The following GGN variants were observed in gnomAD, a reference collection of about 807,000 sequenced individuals.
The protein encoded by GGN is gametogenetin.
In GGN, 27 loss-of-function variants were observed where a neutral mutation model predicts 35.5. The observed-to-expected ratio is 0.76, with a 90% CI of 0.56 to 1.05. The LOEUF is 1.05. Among genes scored for constraint, GGN ranks in the 50% least tolerant of loss-of-function variants. GGN has a pLI of 0.00. For synonymous variants in GGN, 425 were observed against 444.1 expected, an observed-to-expected ratio of 0.96 and a Z score of 0.54; for missense variants, 1,006 against 940.7, an observed-to-expected ratio of 1.07 and a Z score of -0.91.
Position 38,387,298 on chromosome 19 carries a change from C to T in GGN, c.-19-18G>A, listed in dbSNP as rs778040300. 72 of 1,536,508 alleles carry T rather than the reference C, an allele frequency of 4.7e-5. No homozygotes were observed. The highest frequency in any genetic ancestry group is 5.8e-5 in the Non-Finnish European group (67 of 1,145,418). ...CTCGGAGACTAGTCAGAAAAATTTA[C>T]TCCAGTCAGCCTGCCAGGGCCGTGG... is the stretch of plus-strand genomic sequence containing the variant. On this transcript the variant is annotated intron_variant, in intron 2 of 3. Transcript: ENST00000334928. The surrounding 1 kb of genome is among the most constrained non-coding windows in gnomAD (Gnocchi z 5.3).
chr19:38,386,649 C>A lies in GGN; in HGVS notation c.613G>T (p.Gly205Trp). 1 of 1,612,088 alleles carries A rather than the reference C, an allele frequency of 6.2e-7. No individual in the cohort carries two copies. ...PASPPTESQA[G>W]PRNQGQTAGR... ...GCCGTCTGGCCCTGGTTGCGGGGCC[C>A]AGCCTGGCTTTCTGTCGGGGGTGAG... Residue 205 changes from glycine to tryptophan, a missense_variant, in exon 3 of 4, where the codon GGG (glycine) becomes TGG (tryptophan). Coordinates refer to ENST00000334928, the MANE Select transcript of GGN (RefSeq NM_152657.4).
At position 38,386,962 on chromosome 19, in the gene GGN, G is replaced by A; in HGVS notation, c.300C>T (p.Pro100=). The change falls in exon 3 of 4, where the codon CCC becomes CCT. Residue 100 remains proline (P), a synonymous_variant. Coordinates refer to ENST00000334928, the MANE Select transcript of GGN (RefSeq NM_152657.4). ...AAAVSAPPPA[P]AGTLLPGPSK... ...ACGGGCCGGGCAGCAGAGTCCCCGC[G>A]GGGGCCGGGGGTGGTGCAGAGACCG... The A allele has an allele frequency of 6.5e-7, 1 of 1,540,258 alleles. No homozygotes were observed. The highest frequency in any genetic ancestry group is 1.2e-5 in the South Asian group (1 of 80,640).
chr19:38,386,872 A>G lies in GGN; in HGVS notation c.390T>C (p.His130=). 5 of 1,586,200 alleles carry G rather than the reference A, an allele frequency of 3.2e-6. No individual in the cohort carries two copies. The highest frequency in any genetic ancestry group is 4.3e-6 in the Non-Finnish European group (5 of 1,166,858). ...GGCTCGGAGGGTCGCCCTGGCCGCG[A>G]TGGCTCGCCTCCAGCAGGCGGCGGA... The part of the protein sequence containing the change: ...PRIRRLLEAS[H]RGQGDPPSLR... The change falls in exon 3 of 4, where the codon CAT becomes CAC. Residue 130 remains histidine, a synonymous_variant. Transcript: ENST00000334928.
chr19:38,385,659 G>C lies in GGN; in HGVS notation c.1603C>G (p.Arg535Gly). 6.2e-7 allele frequency: 1 copy of C among 1,613,814 alleles called. No individual in the cohort carries two copies. The highest frequency in any genetic ancestry group is 1.1e-5 in the South Asian group (1 of 91,092). Reference protein sequence around the residue: ...TRRNKGSRAARGATRKDGLHG... With the variant: ...TRRNKGSRAAGGATRKDGLHG... ...AAGCCATCCTTACGGGTCGCGCCCC[G>C]GGCTGCACGGGAACCCTTGTTCCTG... Residue 535 changes from arginine (R) to glycine (G), a missense_variant, in exon 3 of 4, where the codon CGG becomes GGG. By Grantham distance (125) the Arg-to-Gly change is moderately radical (BLOSUM62 -2). Coordinates refer to ENST00000334928, the MANE Select transcript of GGN (RefSeq NM_152657.4).
Position 38,386,679 on chromosome 19 carries a change from G to T in GGN, c.583C>A (p.Pro195Thr). ...TGGCTTTCTGTCGGGGGTGAGGCGGGTGTGGCCAGAGCAGGAGTGATTCTG... is the reference window on the plus strand; with the variant it reads ...TGGCTTTCTGTCGGGGGTGAGGCGGTTGTGGCCAGAGCAGGAGTGATTCTG... ...DRRITPALATPASPPTESQAG... is the reference protein window; with the variant it reads ...DRRITPALATTASPPTESQAG... The change falls in exon 3 of 4, where the codon CCC becomes ACC. Residue 195 changes from proline (P) to threonine (T), a missense_variant. Pro to Thr is a conservative substitution (Grantham distance 38, BLOSUM62 -1). Transcript: ENST00000334928. The T allele has an allele frequency of 6.2e-7, 1 of 1,610,546 alleles. No individual in the cohort carries two copies. The highest frequency in any genetic ancestry group is 8.5e-7 in the Non-Finnish European group (1 of 1,178,296).
intron 3 of GGN, among the ~76,000 whole-genome samples, chr19:38,384,842 C>T (rs11083454): frequency 0.023 from 3,577 of 152,216 alleles, 53 homozygotes; most frequent in South Asian, 0.045. Flanking sequence ...ATGCATTGTC[C>T]CCCTGGATGT....
In GGN at chr19:38,386,645, G is replaced by A. The variant is rs759076035; in HGVS notation, c.617C>T (p.Pro206Leu). ...ASPPTESQAG[P>L]RNQGQTAGRA... is the part of the protein sequence containing the mutation. ...GCCGGCCGTCTGGCCCTGGTTGCGG[G>A]GCCCAGCCTGGCTTTCTGTCGGGGG... is the stretch of plus-strand genomic sequence containing the variant. The change falls in exon 3 of 4, where the codon CCC (proline) becomes CTC (leucine). Residue 206 changes from proline (P) to leucine (L), a missense_variant. Coordinates refer to ENST00000334928, the MANE Select transcript of GGN (RefSeq NM_152657.4). 5.6e-6 allele frequency: 9 copies of A among 1,612,048 alleles called. No individual in the cohort carries two copies. The highest frequency in any genetic ancestry group is 1.1e-5 in the South Asian group (1 of 90,938).
Position 38,385,985 on chromosome 19 carries a change from G to T in GGN, c.1277C>A (p.Pro426His). Reference sequence around the variant, plus strand: ...CAGGCCTGGAGGCCCCGGGCGCATGGGCTCGCCATTGGTGGGTGCTGGGAA... The same window carrying T: ...CAGGCCTGGAGGCCCCGGGCGCATGTGCTCGCCATTGGTGGGTGCTGGGAA... ...FIFPAPTNGE[P>H]MRPGPPGLQE... Residue 426 changes from proline to histidine, a missense_variant, in exon 3 of 4, where the codon CCC becomes CAC. Physicochemically the swap from Pro to His is moderately conservative, Grantham distance 77 (BLOSUM62 -2). Transcript: ENST00000334928. The T allele has an allele frequency of 6.2e-7, 1 of 1,607,154 alleles. No individual in the cohort carries two copies. Among genetic ancestry groups the T allele is most frequent in the Non-Finnish European group, 8.5e-7 (1 of 1,176,958 alleles).
intron 3 of GGN, among the ~76,000 whole-genome samples, chr19:38,385,072 C>G (rs537289942): frequency 1.3e-5 from 2 of 152,308 alleles, no homozygotes; most frequent in East Asian, 3.9e-4. Context: ...TGGCCTCGGA[C>G]GTGGTCCTCC....
intron 3 of GGN, 22 bp from the exon 4 acceptor site, chr19:38,384,551 A>C: frequency 6.4e-7 from 1 of 1,565,624 alleles, no homozygotes; most frequent in Non-Finnish European, 8.8e-7. Context: ...GGGTAGAGTC[A>C]GCAAAGCCCA....
Position 38,385,658 on chromosome 19 carries a change from C to A in GGN, c.1604G>T (p.Arg535Leu). ...TRRNKGSRAA[R>L]GATRKDGLHG... ...CAAGCCATCCTTACGGGTCGCGCCC[C>A]GGGCTGCACGGGAACCCTTGTTCCT... The change falls in exon 3 of 4, where the codon CGG (arginine) becomes CTG (leucine). Residue 535 changes from arginine (R) to leucine (L), a missense_variant. Transcript: ENST00000334928. The A allele has an allele frequency of 6.2e-7, 1 of 1,613,870 alleles. No individual in the cohort carries two copies. Among genetic ancestry groups the A allele is most frequent in the Non-Finnish European group, 8.5e-7 (1 of 1,179,966 alleles).
rs768016005 is a variant in GGN, at chr19:38,386,706, G to C, written c.556C>G (p.Arg186Gly). The part of the protein sequence containing the change: ...PLPSERQPAD[R>G]RITPALATPA... ...GTGGCCAGAGCAGGAGTGATTCTGCGGTCCGCCGGCTGCCGTTCAGAAGGT... is the reference window on the plus strand; with the variant it reads ...GTGGCCAGAGCAGGAGTGATTCTGCCGTCCGCCGGCTGCCGTTCAGAAGGT... Residue 186 changes from arginine (R) to glycine (G), a missense_variant, in exon 3 of 4, where the codon CGC (arginine) becomes GGC (glycine). Physicochemically the swap from Arg to Gly is moderately radical, Grantham distance 125. Transcript: ENST00000334928. The C allele has an allele frequency of 1.2e-6, 2 of 1,606,214 alleles. No individual in the cohort carries two copies. The highest frequency in any genetic ancestry group is 1.1e-5 in the South Asian group (1 of 90,534).
In GGN at chr19:38,384,501, C is replaced by T. The variant is rs760187766; in HGVS notation, c.1870G>A (p.Glu624Lys). The part of the protein sequence containing the change: ...WLSTSTNHLG[E>K]PPWVATIKLS... ...TTGATGGTGGCAACCCAGGGTGGCT[C>T]GCCCAGGTGGTTGGTGGATGTGCTC... Residue 624 changes from glutamate to lysine, a missense_variant, in exon 4 of 4, where the codon GAG (glutamate) becomes AAG (lysine). Physicochemically the swap from Glu to Lys is moderately conservative, Grantham distance 56. Coordinates refer to ENST00000334928, the MANE Select transcript of GGN (RefSeq NM_152657.4). 28 of 1,613,856 alleles carry T rather than the reference C, an allele frequency of 1.7e-5. No individual in the cohort carries two copies. The highest frequency in any genetic ancestry group is 1.1e-4 in the South Asian group (10 of 91,084).
At position 38,387,235 on chromosome 19, in the gene GGN, G is replaced by T. The variant is rs1970750155; in HGVS notation, c.27C>A (p.Ser9=). 3 of 1,596,312 alleles carry T rather than the reference G, an allele frequency of 1.9e-6. No individual in the cohort carries two copies. In the East Asian group the frequency reaches 6.8e-5, roughly 36 times the overall value. MGNLQSEP[S]AGGGSRKVQP... Reference sequence around the variant, plus strand: ...GCACTTTTCGGGAGCCCCCGCCCGCGGATGGCTCCGACTGCAAGTTCCCCA... The same window carrying T: ...GCACTTTTCGGGAGCCCCCGCCCGCTGATGGCTCCGACTGCAAGTTCCCCA... The change falls in exon 3 of 4, where the codon TCC becomes TCA. Residue 9 remains serine (S), a synonymous_variant. Coordinates refer to ENST00000334928, the MANE Select transcript of GGN (RefSeq NM_152657.4). The surrounding 1 kb of genome is among the most constrained non-coding windows in gnomAD (Gnocchi z 5.3).
At chr19:38,384,868 C>A (rs547240899) in intron 3 of GGN, among the ~76,000 whole-genome samples, 1 of 152,262 alleles carries the variant, frequency 6.6e-6, no homozygotes, top group African/African-American at 2.4e-5. Context: ...TCAGGAGGAG[C>A]CTCCCCAGCA....
Position 38,385,712 on chromosome 19 carries a change from G to T in GGN, c.1550C>A (p.Ala517Glu). The change falls in exon 3 of 4, where the codon GCG becomes GAG. Residue 517 changes from alanine (A) to glutamate (E), a missense_variant. Physicochemically the swap from Ala to Glu is moderately radical, Grantham distance 107. Coordinates refer to ENST00000334928, the MANE Select transcript of GGN (RefSeq NM_152657.4). The part of the protein sequence containing the change: ...PSPPVSAPAP[A>E]AAPIKTRTRR... ...CGTGCGGGTCTTGATGGGCGCAGCC[G>T]CGGGTGCGGGCGCGGACACAGGCGG... The T allele has an allele frequency of 6.2e-7, 1 of 1,610,968 alleles. No homozygotes were observed. Among genetic ancestry groups the T allele is most frequent in the Non-Finnish European group, 8.5e-7 (1 of 1,178,888 alleles).
Position 38,386,508 on chromosome 19 carries a change from A to G in GGN, c.754T>C (p.Ser252Pro), listed in dbSNP as rs1474084585. 1.1e-5 allele frequency: 17 copies of G among 1,612,958 alleles called. No individual in the cohort carries two copies. Among genetic ancestry groups the G allele is most frequent in the Non-Finnish European group, 1.4e-5 (17 of 1,179,972 alleles). Residue 252 changes from serine to proline, a missense_variant, in exon 3 of 4, where the codon TCT becomes CCT. Ser to Pro is a moderately conservative substitution (Grantham distance 74). Transcript: ENST00000334928. Reference protein sequence around the residue: ...LCKITFKSRPSLAPPAASSSL... With the variant: ...LCKITFKSRPPLAPPAASSSL... ...CTCGAGGCTGCCGGAGGGGCCAAAG[A>G]GGGCCTCGACTTGAAGGTGATTTTA...
In GGN at chr19:38,386,451, C is replaced by G. The variant is rs749892638; in HGVS notation, c.811G>C (p.Gly271Arg). Reference sequence around the variant, plus strand: ...GCAGCAAAGAGGCCGCCGCCTCCGCCGCCCCCCAGCGAAGCTTTGGCTGCT... The same window carrying G: ...GCAGCAAAGAGGCCGCCGCCTCCGCGGCCCCCCAGCGAAGCTTTGGCTGCT... ...SLAAKASLGG[G>R]GGGGLFAASG... is the part of the protein sequence containing the mutation. The change falls in exon 3 of 4, where the codon GGC (glycine) becomes CGC (arginine). Residue 271 changes from glycine (G) to arginine (R), a missense_variant. Coordinates refer to ENST00000334928, the MANE Select transcript of GGN (RefSeq NM_152657.4). 2 of 1,612,878 alleles carry G rather than the reference C, an allele frequency of 1.2e-6. No individual in the cohort carries two copies. Among genetic ancestry groups the G allele is most frequent in the African/African-American group, 1.3e-5 (1 of 75,072 alleles).
At position 38,386,735 on chromosome 19, in the gene GGN, G is replaced by A; in HGVS notation, c.527C>T (p.Pro176Leu). ...PPLETWKPPP[P>L]LPSERQPADR... is the part of the protein sequence containing the mutation. ...CGCCGGCTGCCGTTCAGAAGGTAATGGTGGTGGCGGCTTCCAAGTCTCCAG... is the reference window on the plus strand; with the variant it reads ...CGCCGGCTGCCGTTCAGAAGGTAATAGTGGTGGCGGCTTCCAAGTCTCCAG... The change falls in exon 3 of 4, where the codon CCA (proline) becomes CTA (leucine). Residue 176 changes from proline (P) to leucine (L), a missense_variant. Physicochemically the swap from Pro to Leu is moderately conservative, Grantham distance 98 (BLOSUM62 -3). Coordinates refer to ENST00000334928, the MANE Select transcript of GGN (RefSeq NM_152657.4). 6.2e-7 allele frequency: 1 copy of A among 1,609,420 alleles called. No homozygotes were observed.
Sources: gnomAD v4.1 joint callset for allele counts (sites outside exome capture counted in the v4.1 genomes callset) on GRCh38, gnomAD v4.1.1 for gene constraint, Gnocchi (gnomAD v3.1) non-coding constraint, MANE v1.5 for transcripts, NCBI Gene and HGNC (gene_info 2026-07-23, HGNC 2026-07-21) for gene names.